The following MOSMO variants were observed in gnomAD, a reference collection of about 807,000 sequenced individuals.
MOSMO encodes the protein modulator of smoothened.
A neutral mutation model predicts 18.4 loss-of-function variants in MOSMO; 5 were observed. The ratio of observed to expected loss-of-function variants is 0.27; its 90% CI spans 0.14 to 0.57. The LOEUF (loss-of-function observed/expected upper bound fraction) is 0.57. Among genes scored for constraint, MOSMO ranks in the 20% least tolerant of loss-of-function variants. The pLI, the probability that MOSMO is intolerant of heterozygous loss-of-function variation, is 0.92. For missense variants in MOSMO, 138 were observed against 211.8 expected (o/e 0.65, Z 2.16); for synonymous variants, 82 against 82.3 (o/e 1.00, Z 0.02).
intron 1 of MOSMO, among the ~76,000 whole-genome samples, chr16:22,072,136 A>G (rs1436642371): frequency 4.6e-5 from 7 of 152,310 alleles, no homozygotes; most frequent in Non-Finnish European, 8.8e-5. Flanking sequence ...AAGGGAATTT[A>G]GAAGAAGTAA....
At chr16:22,072,655 C>A (rs1181746163) in intron 1 of MOSMO, among the ~76,000 whole-genome samples, 2 of 151,882 alleles carry the variant, frequency 1.3e-5, no homozygotes, top group Admixed American at 6.6e-5. Context: ...ACTAAAAATA[C>A]AAAAAAATTA....
At chr16:22,021,714 C>T (rs1899766908) in intron 1 of MOSMO, among the ~76,000 whole-genome samples, 1 of 151,966 alleles carries the variant, frequency 6.6e-6, no homozygotes, top group Non-Finnish European at 1.5e-5. Flanking sequence ...GGGAGGATCT[C>T]ATGAGCCTGG....
intron 1 of MOSMO, among the ~76,000 whole-genome samples, chr16:22,033,118 T>A (rs1324609524): frequency 1.3e-5 from 2 of 152,198 alleles, no homozygotes; most frequent in Non-Finnish European, 2.9e-5. Flanking sequence ...TTGAGAAGTT[T>A]GAATCCTCCA....
At chr16:22,013,011 G>A (rs982187586) in intron 1 of MOSMO, among the ~76,000 whole-genome samples, 3 of 152,118 alleles carry the variant, frequency 2.0e-5, no homozygotes, top group East Asian at 1.9e-4. Context: ...GTTTGTGTTA[G>A]TGTAACCAGA....
At chr16:22,074,379 G>T (rs748198828) in intron 1 of MOSMO, among the ~76,000 whole-genome samples, 16 of 152,062 alleles carry the variant, frequency 1.1e-4, no homozygotes, top group Non-Finnish European at 1.9e-4. Context: ...AGACCAGCCT[G>T]GGAAACATAG....
chr16:22,088,914 A>G (rs1901238577), downstream of MOSMO, among the ~76,000 whole-genome samples: 1 of 152,100 alleles, frequency 6.6e-6, no homozygotes, highest in African/African-American at 2.4e-5. Context: ...ATGAGCAGCT[A>G]AATCTATGGT....
intron 1 of MOSMO, among the ~76,000 whole-genome samples, chr16:22,013,888 G>C (rs36076554): frequency 0.085 from 12,798 of 150,856 alleles, 753 homozygotes; most frequent in South Asian, 0.25. Flanking sequence ...TTTGGGGGGG[G>C]GGAATCTCAA....
chr16:22,075,560 G>A lies in MOSMO; in HGVS notation c.180G>A (p.Arg60=), dbSNP rs566186097. Residue 60 remains arginine, a synonymous_variant, in exon 2 of 3, where the codon CGG becomes CGA. Coordinates refer to ENST00000542527, the MANE Select transcript of MOSMO (RefSeq NM_001164579.2). The part of the protein sequence containing the change: ...HGRDRTCIPP[R]LPPEWVTTLF... ...GAGACCGGACGTGCATCCCTCCCCG[G>A]CTTCCCCCGGAGTGGGTCACCACAC... 1 of 1,537,298 alleles carries A rather than the reference G, an allele frequency of 6.5e-7. No homozygotes were observed. The highest frequency in any genetic ancestry group is 2.4e-5 in the East Asian group (1 of 40,922).
At chr16:22,037,875 A>G (rs567796141) in intron 1 of MOSMO, among the ~76,000 whole-genome samples, 2 of 152,284 alleles carry the variant, frequency 1.3e-5, no homozygotes, top group East Asian at 1.9e-4. Context: ...TTTGAGCCCA[A>G]TCCTTTTGGG....
intron 1 of MOSMO, among the ~76,000 whole-genome samples, chr16:22,008,779 G>A (rs531767936): frequency 1.4e-4 from 21 of 152,140 alleles, no homozygotes; most frequent in African/African-American, 5.1e-4. Flanking sequence ...GGTGGGAGAC[G>A]GGAGGAAACT....
At chr16:22,092,403 G>A, downstream of MOSMO, 1 of 447,690 alleles carries the variant, frequency 2.2e-6, no homozygotes, top group Non-Finnish European at 4.1e-6. Flanking sequence ...CCTGGGAGAA[G>A]TGGTTATCAA....
chr16:22,040,979 C>T (rs186774361), intron 1 of MOSMO, among the ~76,000 whole-genome samples: 17 of 151,870 alleles, frequency 1.1e-4, no homozygotes, highest in Admixed American at 5.9e-4. Flanking sequence ...AACAAACAAA[C>T]GAACAAACAA....
chr16:22,053,921 A>G (rs1253794104), intron 1 of MOSMO, among the ~76,000 whole-genome samples: 2 of 152,210 alleles, frequency 1.3e-5, no homozygotes, highest in African/African-American at 4.8e-5. Context: ...GAATTTTTGT[A>G]GCAAATGTAT....
chr16:22,047,238 ATTTTTTTTT>A (rs770005970), intron 1 of MOSMO, among the ~76,000 whole-genome samples: 1 of 110,832 alleles, frequency 9.0e-6, no homozygotes, highest in South Asian at 3.4e-4. Context: ...ATGCACCATA[ATTTTTTTTT>A]TTTTTTTTTT....
chr16:22,026,105 C>T lies in MOSMO; in HGVS notation c.106+17698C>T, dbSNP rs566826416. Among the ~76,000 whole-genome samples the T allele has an allele frequency of 5.9e-5, 9 of 152,250 alleles. No homozygotes were observed. The South Asian group carries it at 1.7e-3, about 28-fold the overall frequency. Reference sequence around the variant, plus strand: ...CCTAACAGCTTTTTTCCTAATTCCTCCTGCTTCACCAATAACTAGTTCCTG... The same window carrying T: ...CCTAACAGCTTTTTTCCTAATTCCTTCTGCTTCACCAATAACTAGTTCCTG... On this transcript the variant is annotated intron_variant, in intron 1 of 2. Coordinates refer to ENST00000542527, the MANE Select transcript of MOSMO (RefSeq NM_001164579.2).
chr16:22,012,760 G>T (rs1899558920), intron 1 of MOSMO, among the ~76,000 whole-genome samples: 2 of 148,754 alleles, frequency 1.3e-5, no homozygotes. Flanking sequence ...AAAAAAAAGA[G>T]TAACTTCCTG....
chr16:22,091,538 T>G (rs1901326488), downstream of MOSMO, among the ~76,000 whole-genome samples: 1 of 152,054 alleles, frequency 6.6e-6, no homozygotes, highest in African/African-American at 2.4e-5. Flanking sequence ...CACAAGCCAC[T>G]GTACCTGACT....
chr16:22,009,221 G>A (rs2141973721), intron 1 of MOSMO, among the ~76,000 whole-genome samples: 1 of 152,286 alleles, frequency 6.6e-6, no homozygotes, highest in Non-Finnish European at 1.5e-5. Context: ...TTTATGGAGC[G>A]TCTTTCATTC....
chr16:22,038,350 A>C (rs1900147675), intron 1 of MOSMO, among the ~76,000 whole-genome samples: 1 of 152,218 alleles, frequency 6.6e-6, no homozygotes. Context: ...TTGCCTGTGC[A>C]AGGGATAGTG....
Sources: gnomAD v4.1 joint callset for allele counts (sites outside exome capture counted in the v4.1 genomes callset) on GRCh38, gnomAD v4.1.1 for gene constraint, MANE v1.5 for transcripts, NCBI Gene and HGNC (gene_info 2026-07-23, HGNC 2026-07-21) for gene names.